The following C8orf34 variants were observed in gnomAD, a reference collection of about 807,000 sequenced individuals.
C8orf34 encodes chromosome 8 open reading frame 34, also known as uncharacterized protein C8orf34.
In C8orf34, 65 loss-of-function variants were observed where a neutral mutation model predicts 68.3. That is an observed-to-expected ratio of 0.95 (90% CI 0.78 to 1.17). The LOEUF is 1.17. Ranked by LOEUF, C8orf34 falls within the 50% of genes most tolerant of loss-of-function variation. The pLI, the probability that C8orf34 is intolerant of heterozygous loss-of-function variation, is 0.00. For missense variants in C8orf34, 664 were observed against 655.4 expected, an observed-to-expected ratio of 1.01 and a Z score of -0.14; for synonymous variants, 244 against 241.2, an observed-to-expected ratio of 1.01 and a Z score of -0.11.
In C8orf34 at chr8:68,486,815, A is replaced by G. The variant is rs1042649558; in HGVS notation, c.737-1208A>G. On this transcript the variant is annotated intron_variant, in intron 4 of 13. Transcript: ENST00000518698. ...CAGCTCATTCTTTCTTGTTCTTTGT[A>G]GTCTGCTGAACTTCAGCTTCAATTC... is the stretch of plus-strand genomic sequence containing the variant. 1.1e-4 allele frequency among the ~76,000 whole-genome samples: 17 copies of G among 152,208 alleles called. 1 individual carries two copies. The highest frequency in any genetic ancestry group is 3.4e-3 in the Middle Eastern group (1 of 294).
intron 7 of C8orf34, among the ~76,000 whole-genome samples, chr8:68,618,346 G>A (rs1273655926): frequency 6.6e-6 from 1 of 151,742 alleles, no homozygotes; most frequent in Non-Finnish European, 1.5e-5. Context: ...TTTGCCAAAG[G>A]TTGAACATCT....
At chr8:68,700,299 G>A (rs1179152686) in intron 8 of C8orf34, among the ~76,000 whole-genome samples, 1 of 152,158 alleles carries the variant, frequency 6.6e-6, no homozygotes, top group Non-Finnish European at 1.5e-5. Context: ...AGGGATCTGA[G>A]AGATGGTGTG....
chr8:68,561,864 T>C (rs578190684), intron 7 of C8orf34, among the ~76,000 whole-genome samples: 36 of 152,298 alleles, frequency 2.4e-4, no homozygotes, highest in African/African-American at 8.4e-4. Flanking sequence ...TCAATGTCAC[T>C]TTCTTCCACC....
intron 1 of C8orf34, among the ~76,000 whole-genome samples, chr8:68,333,422 T>G (rs1000810146): frequency 4.6e-5 from 7 of 152,194 alleles, no homozygotes; most frequent in African/African-American, 1.7e-4. Flanking sequence ...TTTAAATAAT[T>G]GAAGGGAGAA....
At chr8:68,438,259 T>G (rs1810746150) in intron 1 of C8orf34, 2 of 152,186 alleles carry the variant, frequency 1.3e-5, no homozygotes, top group South Asian at 4.1e-4. Context: ...AGGAGAGAGA[T>G]AACAAACTGG....
At chr8:68,572,489 T>A (rs1816786961) in intron 7 of C8orf34, among the ~76,000 whole-genome samples, 1 of 151,278 alleles carries the variant, frequency 6.6e-6, no homozygotes, top group African/African-American at 2.4e-5. Flanking sequence ...ATATATATAT[T>A]TTAATATAAT....
chr8:68,536,358 C>CAAAAAAAAAAAA (rs10696903), intron 7 of C8orf34, among the ~76,000 whole-genome samples: 6 of 49,216 alleles, frequency 1.2e-4, no homozygotes, highest in Non-Finnish European at 1.8e-4. Flanking sequence ...GACCCTATCT[C>CAAAAAAAAAAAA]AAAAAAAAAA....
At chr8:68,343,592 A>AT (rs1236112705) in intron 1 of C8orf34, among the ~76,000 whole-genome samples, 1 of 116,794 alleles carries the variant, frequency 8.6e-6, no homozygotes, top group African/African-American at 4.0e-5. Context: ...ATGCCTAGCT[A>AT]ATTTTTTTTT....
chr8:68,817,904 C>G (rs1169642509), intron 13 of C8orf34, among the ~76,000 whole-genome samples: 1 of 152,098 alleles, frequency 6.6e-6, no homozygotes, highest in Non-Finnish European at 1.5e-5. Context: ...CCTCACTATC[C>G]TGAGAACAGC....
At chr8:68,640,634 G>T in intron 8 of C8orf34, 123 bp downstream of exon 8, 2 of 970,842 alleles carry the variant, frequency 2.1e-6, no homozygotes, top group East Asian at 5.3e-5. Context: ...GATCTTTTGT[G>T]CTAATATTGG....
chr8:68,487,967 A>C, intron 4 of C8orf34, 56 bp from the exon 5 acceptor site: 2 of 1,149,904 alleles, frequency 1.7e-6, no homozygotes, highest in Non-Finnish European at 2.6e-6. Context: ...TTTGAACATT[A>C]GGTTACTAAA....
chr8:68,676,472 T>TCAGA (rs1355421605), intron 8 of C8orf34, among the ~76,000 whole-genome samples: 6 of 152,134 alleles, frequency 3.9e-5, no homozygotes, highest in Non-Finnish European at 2.9e-5. Flanking sequence ...CACAGATCAT[T>TCAGA]CAGACAGAAA....
Position 68,491,890 on chromosome 8 carries a change from A to G in C8orf34, c.765+3839A>G, listed in dbSNP as rs1284148656. The stretch of plus-strand genomic sequence containing the variant: ...GTATGTGGTTCTTCAAGCTCCCATG[A>G]TTCCAATTCATCCTTCAAAATGCCA... On this transcript the variant is annotated intron_variant, in intron 5 of 13. Transcript: ENST00000518698. 2.0e-5 allele frequency among the ~76,000 whole-genome samples: 3 copies of G among 152,146 alleles called. No individual in the cohort carries two copies. In the East Asian group the frequency reaches 5.8e-4, roughly 29 times the overall value.
At position 68,663,168 on chromosome 8, in the gene C8orf34, C is replaced by A. The variant is rs77121336; in HGVS notation, c.1241+22657C>A. ...CATAACAAAGCTTATTCTTGTTTGTCCAGACCACCTCATCATAACTTAGGC... is the reference window on the plus strand; with the variant it reads ...CATAACAAAGCTTATTCTTGTTTGTACAGACCACCTCATCATAACTTAGGC... On this transcript the variant is annotated intron_variant, in intron 8 of 13. Transcript: ENST00000518698. 6.3e-3 allele frequency among the ~76,000 whole-genome samples: 959 copies of A among 152,242 alleles called. 58 individuals carry two copies. In the East Asian group the frequency reaches 0.14, roughly 21 times the overall value.
intron 2 of C8orf34, among the ~76,000 whole-genome samples, chr8:68,441,166 A>T (rs1810894732): frequency 6.6e-6 from 1 of 151,848 alleles, no homozygotes; most frequent in South Asian, 2.1e-4. Context: ...AAGTCTGTGC[A>T]CGGTTTAGCT....
At chr8:68,596,210 G>A (rs11986944) in intron 7 of C8orf34, among the ~76,000 whole-genome samples, 1 of 152,050 alleles carries the variant, frequency 6.6e-6, no homozygotes, top group Non-Finnish European at 1.5e-5. Context: ...GGTAAGTTTA[G>A]GAACTTGGAG....
At position 68,466,765 on chromosome 8, in the gene C8orf34, A is replaced by ATATATATATATATATATATATG. The variant is rs1242128072; in HGVS notation, c.608-1927_608-1926insTATATATATATATATATATATG. Among the ~76,000 whole-genome samples the ATATATATATATATATATATATG allele has an allele frequency of 1.6e-3, 192 of 123,274 alleles. 6 individuals are homozygous for ATATATATATATATATATATATG. Among genetic ancestry groups the ATATATATATATATATATATATG allele is most frequent in the African/African-American group, 3.5e-3 (113 of 32,050 alleles). 80.9% of individuals were successfully genotyped at this position (123,274 alleles called of 152,430 possible). A position where few individuals can be genotyped will look rare whatever the true frequency, so the allele number is the denominator to read the frequency against. ...TATATATATATATATATATATATAT[A>ATATATATATATATATATATATG]GATGCTTTCATTTCTTTATGATGAC... On this transcript the variant is annotated intron_variant, in intron 3 of 13. Transcript: ENST00000518698.
intron 6 of C8orf34, chr8:68,530,626 C>G: frequency 8.1e-7 from 1 of 1,238,926 alleles, no homozygotes; most frequent in South Asian, 1.4e-5. Context: ...ATGCAGAGGA[C>G]AGATGCCATG....
At chr8:68,502,635 CT>C (rs1270134152) in intron 5 of C8orf34, among the ~76,000 whole-genome samples, 1 of 152,016 alleles carries the variant, frequency 6.6e-6, no homozygotes, top group African/African-American at 2.4e-5. Context: ...ATTTGATCTG[CT>C]TTTCCTATAC....
Sources: allele counts gnomAD v4.1 joint callset (sites outside exome capture counted in the v4.1 genomes callset), GRCh38; gene constraint gnomAD v4.1.1; transcripts MANE v1.5; gene names NCBI Gene and HGNC (gene_info 2026-07-23, HGNC 2026-07-21).